The following SIPA1L1 variants were observed in gnomAD, a reference collection of about 807,000 sequenced individuals.
The protein encoded by SIPA1L1 is signal induced proliferation associated 1 like 1.
In SIPA1L1, 26 loss-of-function variants were observed where a neutral mutation model predicts 162.7. That is an observed-to-expected ratio of 0.16 (90% CI 0.12 to 0.22). The LOEUF (loss-of-function observed/expected upper bound fraction) is 0.22. SIPA1L1 is among the 10% of genes least tolerant of loss of function. The pLI is 1.00. For synonymous variants in SIPA1L1, 829 were observed against 837.4 expected (o/e 0.99, Z 0.17); for missense variants, 1,874 against 2,241.0 (o/e 0.84, Z 3.31).
intron 5 of SIPA1L1, among the ~76,000 whole-genome samples, chr14:71,595,268 G>T (rs574674566): frequency 6.6e-6 from 1 of 152,344 alleles, no homozygotes; most frequent in African/African-American, 2.4e-5. Context: ...AGCTGGTGAT[G>T]AAGACATTTT....
At chr14:71,389,907 C>T (rs527792014) in intron 2 of SIPA1L1, among the ~76,000 whole-genome samples, 2 of 152,280 alleles carry the variant, frequency 1.3e-5, no homozygotes, top group East Asian at 1.9e-4. Context: ...CAAGTGCATT[C>T]GCTGGTACTA....
chr14:71,590,208 C>A (rs186353034), intron 5 of SIPA1L1, among the ~76,000 whole-genome samples: 42 of 151,846 alleles, frequency 2.8e-4, no homozygotes, highest in African/African-American at 8.9e-4. Flanking sequence ...TGAACCCTTA[C>A]AAGCTTTTTG....
At chr14:71,439,181 G>A (rs959010783) in intron 2 of SIPA1L1, among the ~76,000 whole-genome samples, 8 of 152,128 alleles carry the variant, frequency 5.3e-5, no homozygotes, top group Admixed American at 2.0e-4. Context: ...TCAGCAACTG[G>A]CTTCTCAGGC....
At chr14:71,533,999 G>A (rs1567163764) in intron 4 of SIPA1L1, among the ~76,000 whole-genome samples, 1 of 151,878 alleles carries the variant, frequency 6.6e-6, no homozygotes, top group Non-Finnish European at 1.5e-5. Flanking sequence ...CAAGGTGGGA[G>A]GATTGCTTGG....
Position 71,709,354 on chromosome 14 carries a change from G to A in SIPA1L1, c.3898G>A (p.Gly1300Ser). 1 of 1,614,230 alleles carries A rather than the reference G, an allele frequency of 6.2e-7. No individual in the cohort carries two copies. The highest frequency in any genetic ancestry group is 8.5e-7 in the Non-Finnish European group (1 of 1,180,040). The part of the protein sequence containing the change: ...SELNSYNYLQ[G>S]TSADSGIDTT... ...ACTCAACAGCTATAACTATCTGCAA[G>A]GCACCTCTGCTGACAGTGGCATTGA... Residue 1300 changes from glycine (G) to serine (S), a missense_variant, in exon 17 of 24, where the codon GGC (glycine) becomes AGC (serine). Transcript: ENST00000381232.
Position 71,512,134 on chromosome 14 carries a change from C to G in SIPA1L1, c.-464-609C>G, listed in dbSNP as rs1213192123. Among the ~76,000 whole-genome samples the G allele has an allele frequency of 2.6e-5, 4 of 152,134 alleles. No homozygotes were observed. The East Asian group carries it at 7.7e-4, about 29-fold the overall frequency. ...TCTGTAGGTAAGAAATACCTGAGGC[C>G]TGGACTTGATGGTTAGCGTCTGAAT... On this transcript the variant is annotated intron_variant, in intron 2 of 23. Transcript: ENST00000381232.
intron 2 of SIPA1L1, among the ~76,000 whole-genome samples, chr14:71,502,255 A>AAAAAAATATATATATATAT (rs67020418): frequency 7.2e-5 from 7 of 97,552 alleles, no homozygotes; most frequent in African/African-American, 3.2e-4. Context: ...AAAAAAAAAA[A>AAAAAAATATATATATATAT]ATATATATAT....
chr14:71,363,417 T>G (rs1214337436), intron 2 of SIPA1L1, among the ~76,000 whole-genome samples: 1 of 152,110 alleles, frequency 6.6e-6, no homozygotes, highest in Admixed American at 6.5e-5. Context: ...GAAAACCACA[T>G]TGCATAGAAA....
chr14:71,581,976 G>A (rs1410370853), intron 4 of SIPA1L1, among the ~76,000 whole-genome samples: 1 of 152,084 alleles, frequency 6.6e-6, no homozygotes, highest in African/African-American at 2.4e-5. Context: ...ATATTTAAAT[G>A]TAAGAGATAA....
chr14:71,477,141 A>G (rs920527848), intron 2 of SIPA1L1, among the ~76,000 whole-genome samples: 31 of 152,092 alleles, frequency 2.0e-4, no homozygotes, highest in African/African-American at 7.5e-4. Context: ...CTACTCAGTA[A>G]TCTCAGCTAC....
intron 2 of SIPA1L1, among the ~76,000 whole-genome samples, chr14:71,426,955 A>T (rs1052221407): frequency 6.6e-6 from 1 of 152,254 alleles, no homozygotes; most frequent in African/African-American, 2.4e-5. Context: ...TTCTTAAACC[A>T]TGTAGAAAAC....
chr14:71,464,350 A>G (rs924090949), intron 2 of SIPA1L1, among the ~76,000 whole-genome samples: 5 of 152,218 alleles, frequency 3.3e-5, no homozygotes, highest in Admixed American at 3.3e-4. Flanking sequence ...CAACATTAAA[A>G]GCAGAGTCCC....
chr14:71,629,268 G>A (rs535930490), intron 7 of SIPA1L1, among the ~76,000 whole-genome samples: 1 of 152,298 alleles, frequency 6.6e-6, no homozygotes, highest in South Asian at 2.1e-4. Flanking sequence ...ACAGTGACTA[G>A]GCCAGGCACT....
intron 19 of SIPA1L1, among the ~76,000 whole-genome samples, chr14:71,727,755 G>A: frequency 6.6e-6 from 1 of 152,250 alleles, no homozygotes; most frequent in Non-Finnish European, 1.5e-5. Flanking sequence ...TGCAAGGCAG[G>A]CAGGGGCTGC....
intron 2 of SIPA1L1, among the ~76,000 whole-genome samples, chr14:71,442,172 CAAAAAAAAAA>C (rs368432068): frequency 7.7e-5 from 2 of 26,088 alleles, no homozygotes; most frequent in South Asian, 1.3e-3. Flanking sequence ...GACTCTGTCT[CAAAAAAAAAA>C]AAAAAAAAAA....
At chr14:71,417,290 T>C (rs2042840994) in intron 2 of SIPA1L1, among the ~76,000 whole-genome samples, 1 of 150,444 alleles carries the variant, frequency 6.6e-6, no homozygotes, top group Non-Finnish European at 1.5e-5. Context: ...GCTAACACGG[T>C]GAAACCCCGT....
chr14:71,504,344 G>A (rs1246927301), intron 2 of SIPA1L1, among the ~76,000 whole-genome samples: 3 of 152,088 alleles, frequency 2.0e-5, no homozygotes, highest in African/African-American at 7.2e-5. Context: ...AATCAGAACC[G>A]TGGGGATCAT....
At chr14:71,437,589 T>C (rs540569779) in intron 2 of SIPA1L1, among the ~76,000 whole-genome samples, 8 of 152,218 alleles carry the variant, frequency 5.3e-5, no homozygotes, top group African/African-American at 1.9e-4. Context: ...CTCGAACTCC[T>C]AGCCTCAAGT....
chr14:71,642,623 A>G (rs2041826636), intron 7 of SIPA1L1, among the ~76,000 whole-genome samples: 1 of 152,228 alleles, frequency 6.6e-6, no homozygotes, highest in African/African-American at 2.4e-5. Context: ...TTATAGGAAT[A>G]CAACAATATC....
Sources: gnomAD v4.1 joint callset for allele counts (sites outside exome capture counted in the v4.1 genomes callset) on GRCh38, gnomAD v4.1.1 for gene constraint, MANE v1.5 for transcripts, NCBI Gene and HGNC (gene_info 2026-07-23, HGNC 2026-07-21) for gene names.